Variants in KLHL26 observed in about 807,000 individuals in gnomAD.
KLHL26 encodes the protein kelch-like protein 26.
KLHL26 carries 4 observed loss-of-function variants against 7.1 expected under a neutral mutation model. The observed-to-expected ratio is 0.56, with a 90% CI of 0.28 to 1.28. The LOEUF is 1.28. Ranked by LOEUF, KLHL26 falls within the 50% of genes most tolerant of loss-of-function variation. The pLI is 0.11. For synonymous variants in KLHL26, 465 were observed against 414.1 expected (o/e 1.12, Z -1.49); for missense variants, 896 against 924.6 (o/e 0.97, Z 0.40).
chr19:18,664,339 C>A lies in KLHL26; in HGVS notation c.162C>A (p.Ala54=). The change falls in exon 2 of 3, where the codon GCC becomes GCA. Residue 54 remains alanine (A), a synonymous_variant. Coordinates refer to ENST00000300976, the MANE Select transcript of KLHL26 (RefSeq NM_018316.3). ...SHSTSLLQGL[A]TLRAQGQLLD... ...GCACCAGCCTCCTGCAGGGCCTGGC[C>A]ACCCTCCGCGCTCAGGGCCAGCTCC... 6.2e-7 allele frequency: 1 copy of A among 1,609,782 alleles called. No individual in the cohort carries two copies. The highest frequency in any genetic ancestry group is 8.5e-7 in the Non-Finnish European group (1 of 1,179,814).
Position 18,646,919 on chromosome 19 carries a change from C to T in KLHL26, c.83+9782C>T, listed in dbSNP as rs1392376130. Among the ~76,000 whole-genome samples the T allele has an allele frequency of 5.3e-5, 8 of 150,908 alleles. No individual in the cohort carries two copies. Among genetic ancestry groups the T allele is most frequent in the Admixed American group, 2.6e-4 (4 of 15,170 alleles). The stretch of plus-strand genomic sequence containing the variant: ...AGCGTGAGCTGGAGAGGGCAGGTTC[C>T]GCCAGGAGTAGGCCTGGGAGCAGGA... On this transcript the variant is annotated intron_variant, in intron 1 of 2. Transcript: ENST00000300976. The surrounding 1 kb of genome is among the most constrained non-coding windows in gnomAD (Gnocchi z 5.0).
Position 18,656,315 on chromosome 19 carries a change from T to C in KLHL26, c.84-7946T>C, listed in dbSNP as rs1208764391. Among the ~76,000 whole-genome samples the C allele has an allele frequency of 6.6e-6, 1 of 152,148 alleles. No homozygotes were observed. Among genetic ancestry groups the C allele is most frequent in the Non-Finnish European group, 1.5e-5 (1 of 68,024 alleles). On this transcript the variant is annotated intron_variant, in intron 1 of 2. Transcript: ENST00000300976. The surrounding 1 kb of genome is among the most constrained non-coding windows in gnomAD (Gnocchi z 4.4). ...ACTGGGTCCTTGGGGTCATTGGTCG[T>C]GGTCCTTTCCAATTGATCCTCGATT... is the stretch of plus-strand genomic sequence containing the variant.
chr19:18,637,192 G>A, intron 1 of KLHL26, 55 bp downstream of exon 1: 1 of 1,270,590 alleles, frequency 7.9e-7, no homozygotes, highest in Non-Finnish European at 9.9e-7. Context: ...CAGGAAACCT[G>A]TGGGCAGTCT....
Position 18,649,594 on chromosome 19 carries a change from G to A in KLHL26, c.83+12457G>A, listed in dbSNP as rs376845296. The stretch of plus-strand genomic sequence containing the variant: ...GCATGTTAAAGCAAAGGCGGCAAAC[G>A]ACAGCCGCTCTCTCCCTGTCCAGCT... On this transcript the variant is annotated intron_variant, in intron 1 of 2. Coordinates refer to ENST00000300976, the MANE Select transcript of KLHL26 (RefSeq NM_018316.3). The surrounding 1 kb of genome is among the most constrained non-coding windows in gnomAD (Gnocchi z 4.0). 6.6e-6 allele frequency among the ~76,000 whole-genome samples: 1 copy of A among 152,220 alleles called. No individual in the cohort carries two copies. Among genetic ancestry groups the A allele is most frequent in the Non-Finnish European group, 1.5e-5 (1 of 68,036 alleles).
rs1354243047 is a variant in KLHL26, at chr19:18,649,673, C to T, written c.83+12536C>T. On this transcript the variant is annotated intron_variant, in intron 1 of 2. Coordinates refer to ENST00000300976, the MANE Select transcript of KLHL26 (RefSeq NM_018316.3). The surrounding 1 kb of genome is among the most constrained non-coding windows in gnomAD (Gnocchi z 4.0). ...GCTGGGTTCCCGCTGCCGGCAGCCC[C>T]GCCCTCCTCCTCTGGTAGCCGCTCT... 2.0e-5 allele frequency among the ~76,000 whole-genome samples: 3 copies of T among 152,216 alleles called. No individual in the cohort carries two copies. Among genetic ancestry groups the T allele is most frequent in the Non-Finnish European group, 2.9e-5 (2 of 68,020 alleles).
At chr19:18,654,124 T>A (rs1600696172) in intron 1 of KLHL26, among the ~76,000 whole-genome samples, 1 of 81,178 alleles carries the variant, frequency 1.2e-5, no homozygotes, top group Non-Finnish European at 2.5e-5. Flanking sequence ...CCCATCCACC[T>A]GCCCACTCTT....
Position 18,656,935 on chromosome 19 carries a change from G to A in KLHL26, c.84-7326G>A, listed in dbSNP as rs2052340441. On this transcript the variant is annotated intron_variant, in intron 1 of 2. Transcript: ENST00000300976. The surrounding 1 kb of genome is among the most constrained non-coding windows in gnomAD (Gnocchi z 4.4). Reference sequence around the variant, plus strand: ...CCTGAGCTGCAGTCTCTGTCTCCCTGTCTCTGAGTCTCTGTCCCTCTCTCC... The same window carrying A: ...CCTGAGCTGCAGTCTCTGTCTCCCTATCTCTGAGTCTCTGTCCCTCTCTCC... 6.6e-6 allele frequency among the ~76,000 whole-genome samples: 1 copy of A among 152,066 alleles called. No individual in the cohort carries two copies. Among genetic ancestry groups the A allele is most frequent in the East Asian group, 1.9e-4 (1 of 5,200 alleles).
At position 18,648,247 on chromosome 19, in the gene KLHL26, G is replaced by A. The variant is rs900234230; in HGVS notation, c.83+11110G>A. ...TAGCTGGGCGCAGTGGCGGGTGCTT[G>A]TAGTCCCAGCTGCTCTGGAGGCTGA... On this transcript the variant is annotated intron_variant, in intron 1 of 2. Coordinates refer to ENST00000300976, the MANE Select transcript of KLHL26 (RefSeq NM_018316.3). This position sits in a 1 kb window ranked among gnomAD's most constrained non-coding sequence, Gnocchi z 4.9. Among the ~76,000 whole-genome samples, 7 of 152,200 alleles carry A rather than the reference G, an allele frequency of 4.6e-5. No homozygotes were observed. Among genetic ancestry groups the A allele is most frequent in the Non-Finnish European group, 7.3e-5 (5 of 68,028 alleles).
Position 18,667,681 on chromosome 19 carries a change from G to C in KLHL26, c.284G>C (p.Gly95Ala). The change falls in exon 3 of 3, where the codon GGC becomes GCC. Residue 95 changes from glycine (G) to alanine (A), a missense_variant. By Grantham distance (60) the Gly-to-Ala change is moderately conservative (BLOSUM62 0). Coordinates refer to ENST00000300976, the MANE Select transcript of KLHL26 (RefSeq NM_018316.3). Reference sequence around the variant, plus strand: ...CCCTTCAGGGCCATGTTCACCGGCGGCATGCGGGAGGCAAGCCAGGACGTC... The same window carrying C: ...CCCTTCAGGGCCATGTTCACCGGCGCCATGCGGGAGGCAAGCCAGGACGTC... ...SDYFRAMFTG[G>A]MREASQDVIE... The C allele has an allele frequency of 6.2e-7, 1 of 1,611,614 alleles. No homozygotes were observed. The highest frequency in any genetic ancestry group is 8.5e-7 in the Non-Finnish European group (1 of 1,179,018).
chr19:18,646,024 C>A lies in KLHL26; in HGVS notation c.83+8887C>A, dbSNP rs1976796960. On this transcript the variant is annotated intron_variant, in intron 1 of 2. Transcript: ENST00000300976. The surrounding 1 kb of genome is among the most constrained non-coding windows in gnomAD (Gnocchi z 5.0). ...AGAGGCCTTGGAAGGGTCCAGCCCCCCAGCTCCTGCTAGGAAGACTTAGGG... is the reference window on the plus strand; with the variant it reads ...AGAGGCCTTGGAAGGGTCCAGCCCCACAGCTCCTGCTAGGAAGACTTAGGG... Among the ~76,000 whole-genome samples, 1 of 152,128 alleles carries A rather than the reference C, an allele frequency of 6.6e-6. No individual in the cohort carries two copies. The highest frequency in any genetic ancestry group is 1.5e-5 in the Non-Finnish European group (1 of 68,000).
chr19:18,665,444 C>T (rs1056244500), intron 2 of KLHL26, among the ~76,000 whole-genome samples: 1 of 152,352 alleles, frequency 6.6e-6, no homozygotes, highest in Admixed American at 6.5e-5. Context: ...TGGGCACAAG[C>T]CCCTGCCCTC....
chr19:18,662,301 A>T (rs867892035), intron 1 of KLHL26, among the ~76,000 whole-genome samples: 25 of 152,186 alleles, frequency 1.6e-4, no homozygotes, highest in South Asian at 1.5e-3. Flanking sequence ...AGGCCCATGC[A>T]TACTTCTGGG....
intron 1 of KLHL26, among the ~76,000 whole-genome samples, chr19:18,645,735 C>G (rs533200219): frequency 9.4e-4 from 142 of 151,608 alleles, no homozygotes; most frequent in African/African-American, 3.3e-3. Flanking sequence ...TCGCTTGAAC[C>G]TGGGAGGAGG....
rs572578992 is a variant in KLHL26 at position 18,650,085 on chromosome 19, C to T, written c.83+12948C>T. ...GAGGAGATCTTGAGGGGTGGACCTT[C>T]AGGCTTGTAAAGGCCTGGAGGGGGG... On this transcript the variant is annotated intron_variant, in intron 1 of 2. Coordinates refer to ENST00000300976, the MANE Select transcript of KLHL26 (RefSeq NM_018316.3). This position sits in a 1 kb window ranked among gnomAD's most constrained non-coding sequence, Gnocchi z 4.2. 1.3e-5 allele frequency among the ~76,000 whole-genome samples: 2 copies of T among 152,316 alleles called. No individual in the cohort carries two copies. The highest frequency in any genetic ancestry group is 4.8e-5 in the African/African-American group (2 of 41,572).
intron 2 of KLHL26, among the ~76,000 whole-genome samples, chr19:18,667,121 A>G (rs1479999137): frequency 6.6e-6 from 1 of 151,246 alleles, no homozygotes; most frequent in Non-Finnish European, 1.5e-5. Context: ...AGGAAGATGC[A>G]TGGCTTGGGT....
intron 1 of KLHL26, among the ~76,000 whole-genome samples, chr19:18,637,841 G>A (rs899818532): frequency 3.3e-5 from 5 of 152,098 alleles, no homozygotes; most frequent in South Asian, 2.1e-4. Flanking sequence ...CAGGCTAAAG[G>A]ACTTACAGAA....
chr19:18,655,008 A>T (rs757445585), intron 1 of KLHL26, among the ~76,000 whole-genome samples: 51 of 152,212 alleles, frequency 3.4e-4, no homozygotes, highest in Non-Finnish European at 5.9e-4. Context: ...CCTTTCAGCC[A>T]TGGGGAGACA....
At chr19:18,665,299 ACCTGCCTC>A (rs2052436668) in intron 2 of KLHL26, among the ~76,000 whole-genome samples, 1 of 151,022 alleles carries the variant, frequency 6.6e-6, no homozygotes. Flanking sequence ...CTCATGAGCC[ACCTGCCTC>A]AGCCTCCCAA....
At chr19:18,657,364 ATCTCTGGGTCTCTGTCTCCG>A (rs1197624091) in intron 1 of KLHL26, among the ~76,000 whole-genome samples, 6 of 110,464 alleles carry the variant, frequency 5.4e-5, no homozygotes, top group African/African-American at 1.4e-4. Context: ...CTGTGTCTTC[ATCTCTGGGTCTCTGTCTCCG>A]TCTCTGGGTC....
Sources: gnomAD v4.1 joint callset for allele counts (sites outside exome capture counted in the v4.1 genomes callset) on GRCh38, gnomAD v4.1.1 for gene constraint, Gnocchi (gnomAD v3.1) non-coding constraint, MANE v1.5 for transcripts, NCBI Gene and HGNC (gene_info 2026-07-23, HGNC 2026-07-21) for gene names.